Variants in RASD2 observed in about 807,000 individuals in gnomAD.
RASD2 encodes RASD family member 2, also known as GTP-binding protein Rhes.
In RASD2, 7 loss-of-function variants were observed where a neutral mutation model predicts 15.8. The observed-to-expected ratio is 0.44, with a 90% confidence interval of 0.25 to 0.83. RASD2 has a LOEUF of 0.83. RASD2 is among the 40% of genes least tolerant of loss of function. RASD2 has a pLI of 0.20. For synonymous variants in RASD2, 155 were observed against 153.6 expected (o/e 1.01, Z -0.07); for missense variants, 274 against 382.8 (o/e 0.72, Z 2.37).
At chr22:35,550,883 C>A (rs564335599) in intron 2 of RASD2, among the ~76,000 whole-genome samples, 3 of 152,334 alleles carry the variant, frequency 2.0e-5, no homozygotes, top group African/African-American at 7.2e-5. Context: ...CTGGAGCATA[C>A]ACCCAGTGCT....
chr22:35,545,487 C>T (rs1405584853), intron 1 of RASD2, among the ~76,000 whole-genome samples: 1 of 152,218 alleles, frequency 6.6e-6, no homozygotes, highest in Non-Finnish European at 1.5e-5. Flanking sequence ...ATGCAGCCCC[C>T]ACTTGCCCAC....
Position 35,546,964 on chromosome 22 carries a change from T to C in RASD2, c.155T>C (p.Ile52Thr), listed in dbSNP as rs756680004. Residue 52 changes from isoleucine to threonine, a missense_variant, in exon 2 of 3, where the codon ATC becomes ACC. Physicochemically the swap from Ile to Thr is moderately conservative, Grantham distance 89. Coordinates refer to ENST00000216127, the MANE Select transcript of RASD2 (RefSeq NM_014310.4). ...TTTGAGGACCAGTACACACCCACCATCGAGGACTTCCACCGTAAGGTATAC... is the reference window on the plus strand; with the variant it reads ...TTTGAGGACCAGTACACACCCACCACCGAGGACTTCCACCGTAAGGTATAC... Reference protein sequence around the residue: ...GRFEDQYTPTIEDFHRKVYNI... With the variant: ...GRFEDQYTPTTEDFHRKVYNI... 1 of 1,614,032 alleles carries C rather than the reference T, an allele frequency of 6.2e-7. No individual in the cohort carries two copies. The highest frequency in any genetic ancestry group is 8.5e-7 in the Non-Finnish European group (1 of 1,179,998).
upstream of RASD2, among the ~76,000 whole-genome samples, chr22:35,538,818 G>A (rs545772683): frequency 3.9e-5 from 6 of 152,318 alleles, no homozygotes; most frequent in South Asian, 4.1e-4. Context: ...CAGGTGAAGC[G>A]TGCCACCCTG....
chr22:35,553,318 C>T lies in RASD2; in HGVS notation c.*1286C>T, dbSNP rs1934729204. 2.0e-5 allele frequency: 3 copies of T among 152,534 alleles called. No homozygotes were observed. The highest frequency in any genetic ancestry group is 2.4e-5 in the African/African-American group (1 of 41,396). The allele number at this position is 152,534 out of a possible 1,614,324, so 9.4% of individuals were successfully genotyped here. A position where few individuals can be genotyped will look rare whatever the true frequency, so the allele number is the denominator to read the frequency against. On this transcript the variant is annotated 3_prime_UTR_variant, in exon 3 of 3. Coordinates refer to ENST00000216127, the MANE Select transcript of RASD2 (RefSeq NM_014310.4). ...CAGAAAAGCTCAGGGCGGGTCTTCT[C>T]CTTGTGCCCGGGATTGGGCTATGCT...
At chr22:35,547,762 G>A (rs1399624103) in intron 2 of RASD2, among the ~76,000 whole-genome samples, 1 of 152,090 alleles carries the variant, frequency 6.6e-6, no homozygotes, top group African/African-American at 2.4e-5. Flanking sequence ...CTACAGGCAT[G>A]TGCCACCATG....
chr22:35,540,821 C>A (rs13055336), upstream of RASD2: 39,011 of 152,118 alleles, frequency 0.26, 5,652 homozygotes, highest in Middle Eastern at 0.33. Context: ...CTCCCACACG[C>A]GCGCAGAGCA....
rs940448991 is a variant in RASD2 at position 35,551,640 on chromosome 22, A to G, written c.409A>G (p.Ile137Val). The G allele has an allele frequency of 3.7e-6, 6 of 1,614,188 alleles. No homozygotes were observed. The South Asian group carries it at 6.6e-5, about 18-fold the overall frequency. ...GGAGGCGGCGGAGCTGCCCATGGTC[A>G]TCTGTGGCAACAAGAACGACCACGG... is the stretch of plus-strand genomic sequence containing the variant. Reference protein sequence around the residue: ...TKEAAELPMVICGNKNDHGEL... With the variant: ...TKEAAELPMVVCGNKNDHGEL... Residue 137 changes from isoleucine to valine, a missense_variant, in exon 3 of 3, where the codon ATC becomes GTC. Physicochemically the swap from Ile to Val is conservative, Grantham distance 29 (BLOSUM62 3). Transcript: ENST00000216127. The surrounding 1 kb of genome is among the most constrained non-coding windows in gnomAD (Gnocchi z 4.9).
At chr22:35,536,287 AT>A (rs1482829083), upstream of RASD2, among the ~76,000 whole-genome samples, 2 of 151,392 alleles carry the variant, frequency 1.3e-5, no homozygotes, top group African/African-American at 4.9e-5. Context: ...TGAGCCTGTC[AT>A]GAGCATGTGT....
intron 1 of RASD2, among the ~76,000 whole-genome samples, chr22:35,542,551 A>G (rs538788612): frequency 3.9e-5 from 6 of 152,290 alleles, no homozygotes; most frequent in Non-Finnish European, 8.8e-5. Context: ...TGAGCTGCCA[A>G]GGGTGGTGGG....
At chr22:35,544,985 G>T (rs976250603) in intron 1 of RASD2, among the ~76,000 whole-genome samples, 1 of 152,208 alleles carries the variant, frequency 6.6e-6, no homozygotes, top group Non-Finnish European at 1.5e-5. Flanking sequence ...GGCTCAAGTG[G>T]CAGCAGTTGT....
chr22:35,547,697 C>G (rs1934546049), intron 2 of RASD2, among the ~76,000 whole-genome samples: 3 of 152,218 alleles, frequency 2.0e-5, no homozygotes, highest in African/African-American at 7.2e-5. Flanking sequence ...TCACTGCAAC[C>G]TCTGCCTCCC....
At chr22:35,533,813 G>T in the RASD2 span, among the ~76,000 whole-genome samples, 2 of 141,602 alleles carry the variant, frequency 1.4e-5, no homozygotes, top group African/African-American at 5.3e-5. Context: ...TGATGATTGT[G>T]ATGATGGTGA....
intron 1 of RASD2, among the ~76,000 whole-genome samples, chr22:35,544,024 C>T (rs1166307522): frequency 6.6e-6 from 1 of 151,634 alleles, no homozygotes; most frequent in African/African-American, 2.4e-5. Context: ...CTCTCCGATT[C>T]TCTGCGTCTT....
At chr22:35,549,019 G>A (rs924478545) in intron 2 of RASD2, among the ~76,000 whole-genome samples, 1 of 152,188 alleles carries the variant, frequency 6.6e-6, no homozygotes, top group Non-Finnish European at 1.5e-5. Context: ...GAAGGAGAGG[G>A]GAGATGTAGA....
the RASD2 span, among the ~76,000 whole-genome samples, chr22:35,533,046 A>G: frequency 6.6e-6 from 1 of 152,200 alleles, no homozygotes; most frequent in Admixed American, 6.5e-5. Context: ...TGTCTGGAAA[A>G]TGGGGATAAT....
chr22:35,536,672 T>C (rs57383223), upstream of RASD2, among the ~76,000 whole-genome samples: 1,063 of 152,306 alleles, frequency 7.0e-3, 10 homozygotes, highest in African/African-American at 0.024. Flanking sequence ...ATGACCTCTA[T>C]GGTATCGCCA....
chr22:35,538,372 A>C (rs1934275018), upstream of RASD2, among the ~76,000 whole-genome samples: 1 of 151,474 alleles, frequency 6.6e-6, no homozygotes, highest in South Asian at 2.1e-4. Flanking sequence ...TATATGGGAG[A>C]GAGAGGGTGA....
the RASD2 span, among the ~76,000 whole-genome samples, chr22:35,534,769 T>G: frequency 1.3e-5 from 2 of 152,202 alleles, no homozygotes; most frequent in Non-Finnish European, 2.9e-5. Context: ...ACTGAGAGCT[T>G]TCCCTCAAAG....
intron 1 of RASD2, among the ~76,000 whole-genome samples, chr22:35,544,395 T>G (rs994496896): frequency 6.6e-6 from 1 of 152,216 alleles, no homozygotes; most frequent in African/African-American, 2.4e-5. Context: ...CCCACACGTA[T>G]GCCCTGGGCA....
Sources: gnomAD v4.1 joint callset for allele counts (sites outside exome capture counted in the v4.1 genomes callset) on GRCh38, gnomAD v4.1.1 for gene constraint, Gnocchi (gnomAD v3.1) non-coding constraint, MANE v1.5 for transcripts, NCBI Gene and HGNC (gene_info 2026-07-23, HGNC 2026-07-21) for gene names.